Variants in DAP observed in about 807,000 individuals in gnomAD.
DAP encodes death-associated protein 1.
In DAP, 8 loss-of-function variants were observed where a neutral mutation model predicts 13.8. The ratio of observed to expected loss-of-function variants is 0.58; its 90% CI spans 0.34 to 1.05. The LOEUF is 1.05. Ranked by LOEUF, DAP falls within the 50% of genes least tolerant of loss-of-function variation. The pLI is 0.03. For missense variants in DAP, 106 were observed against 133.2 expected (o/e 0.80, Z 1.01); for synonymous variants, 47 against 47.5 (o/e 0.99, Z 0.04).
chr5:10,688,318 CAA>C (rs1479728070), intron 2 of DAP, among the ~76,000 whole-genome samples: 1 of 152,170 alleles, frequency 6.6e-6, no homozygotes, highest in Non-Finnish European at 1.5e-5. Flanking sequence ...CCTCTACCAA[CAA>C]AAAGACTGAG....
rs1402990285 is a variant in DAP at position 10,761,158 on chromosome 5, G to GGAGC, written c.-94_-91dup. 4.0e-6 allele frequency: 3 copies of GGAGC among 742,100 alleles called. No homozygotes were observed. The highest frequency in any genetic ancestry group is 3.6e-6 in the Non-Finnish European group (2 of 559,212). The allele number at this position is 742,100 out of a possible 1,614,324, so 46.0% of individuals were successfully genotyped here. On this transcript the variant is annotated 5_prime_UTR_variant, in exon 1 of 4. Transcript: ENST00000230895. Reference sequence around the variant, plus strand: ...GAGTGAGCTCAGGTGTGAGCGCCGGGGAGCGAGCGGGCGGGAGAACGACGC... The same window carrying GGAGC: ...GAGTGAGCTCAGGTGTGAGCGCCGGGGAGCGAGCGAGCGGGCGGGAGAACGACGC...
intron 2 of DAP, among the ~76,000 whole-genome samples, chr5:10,712,935 G>A (rs890293208): frequency 6.6e-6 from 1 of 152,124 alleles, no homozygotes; most frequent in Non-Finnish European, 1.5e-5. Context: ...AAGTGGGGGA[G>A]GGAGAAGCCT....
chr5:10,734,918 CA>C (rs2126669462), intron 2 of DAP, among the ~76,000 whole-genome samples: 1 of 152,278 alleles, frequency 6.6e-6, no homozygotes, highest in South Asian at 2.1e-4. Context: ...ATGTGGCCCC[CA>C]GGCAGACTGT....
chr5:10,750,356 C>T (rs917058077), intron 1 of DAP, among the ~76,000 whole-genome samples: 6 of 152,020 alleles, frequency 3.9e-5, no homozygotes, highest in Admixed American at 1.3e-4. Context: ...GAGATGGTGA[C>T]GTTTGCTCCC....
chr5:10,740,298 G>A (rs888401697), intron 2 of DAP, among the ~76,000 whole-genome samples: 4 of 152,214 alleles, frequency 2.6e-5, no homozygotes, highest in Admixed American at 2.6e-4. Flanking sequence ...TCCGAGGCCT[G>A]TGAACATATC....
chr5:10,703,944 G>A (rs112972043), intron 2 of DAP, among the ~76,000 whole-genome samples: 1 of 152,244 alleles, frequency 6.6e-6, no homozygotes, highest in Non-Finnish European at 1.5e-5. Flanking sequence ...GTGAAGAGGG[G>A]GAGAATTCAC....
At chr5:10,688,082 A>AT (rs1738201114) in intron 2 of DAP, among the ~76,000 whole-genome samples, 1 of 151,834 alleles carries the variant, frequency 6.6e-6, no homozygotes, top group South Asian at 2.1e-4. Context: ...TGCCTGGCTA[A>AT]TTTTTGTATT....
chr5:10,687,033 T>C (rs1738173606), intron 2 of DAP, among the ~76,000 whole-genome samples: 1 of 152,142 alleles, frequency 6.6e-6, no homozygotes, highest in African/African-American at 2.4e-5. Context: ...CCTTACGAAT[T>C]ACATAAAATC....
intron 1 of DAP, among the ~76,000 whole-genome samples, chr5:10,753,410 C>T (rs913504484): frequency 2.6e-5 from 4 of 152,208 alleles, no homozygotes; most frequent in African/African-American, 4.8e-5. Flanking sequence ...CAGGTTATTA[C>T]ACTACCTAGA....
chr5:10,686,850 A>G (rs919401308), intron 2 of DAP, among the ~76,000 whole-genome samples: 3 of 152,264 alleles, frequency 2.0e-5, no homozygotes, highest in African/African-American at 7.2e-5. Flanking sequence ...CAATGTTGAC[A>G]AAACAGCCTT....
At chr5:10,742,274 C>G (rs1031476480) in intron 2 of DAP, among the ~76,000 whole-genome samples, 2 of 152,118 alleles carry the variant, frequency 1.3e-5, no homozygotes, top group Non-Finnish European at 2.9e-5. Flanking sequence ...GTGGCTCATG[C>G]CTGTAATCCC....
chr5:10,708,689 A>T (rs1738766413), intron 2 of DAP, among the ~76,000 whole-genome samples: 1 of 152,206 alleles, frequency 6.6e-6, no homozygotes, highest in South Asian at 2.1e-4. Flanking sequence ...TTGTCATCGT[A>T]AGCAATGGGG....
At chr5:10,745,902 T>C (rs1179324427) in intron 2 of DAP, among the ~76,000 whole-genome samples, 1 of 152,186 alleles carries the variant, frequency 6.6e-6, no homozygotes, top group Admixed American at 6.5e-5. Context: ...TACTACAGGC[T>C]TACACACTCT....
intron 2 of DAP, among the ~76,000 whole-genome samples, chr5:10,722,419 CTCAAGCT>C (rs1270976674): frequency 1.3e-5 from 2 of 152,156 alleles, no homozygotes; most frequent in South Asian, 2.1e-4. Flanking sequence ...CTTCTTGCTC[CTCAAGCT>C]TGCAGACAGC....
intron 2 of DAP, among the ~76,000 whole-genome samples, chr5:10,705,882 G>A (rs1037967059): frequency 6.6e-6 from 1 of 152,164 alleles, no homozygotes; most frequent in Non-Finnish European, 1.5e-5. Context: ...TTAGTTCCAT[G>A]AGCCATAAAA....
At chr5:10,683,693 A>G in intron 2 of DAP, 122 bp from the exon 3 acceptor site, 1 of 859,222 alleles carries the variant, frequency 1.2e-6, no homozygotes, top group Non-Finnish European at 1.9e-6. Flanking sequence ...TGGGAAGCAA[A>G]CCTCTCCTCT....
At chr5:10,722,907 T>C (rs188300518) in intron 2 of DAP, among the ~76,000 whole-genome samples, 183 of 152,268 alleles carry the variant, frequency 1.2e-3, no homozygotes, top group African/African-American at 3.9e-3. Context: ...CAGAACCGAA[T>C]ATCAATCACA....
chr5:10,743,252 C>T (rs1739806397), intron 2 of DAP, among the ~76,000 whole-genome samples: 1 of 152,176 alleles, frequency 6.6e-6, no homozygotes, highest in Admixed American at 6.5e-5. Context: ...AGGTAACTCC[C>T]TACTCCCTTA....
At chr5:10,687,362 A>G (rs1217314488) in intron 2 of DAP, among the ~76,000 whole-genome samples, 2 of 152,216 alleles carry the variant, frequency 1.3e-5, no homozygotes, top group African/African-American at 4.8e-5. Context: ...AAGTAAATTG[A>G]AAACCTTCTG....
Sources: allele counts gnomAD v4.1 joint callset (sites outside exome capture counted in the v4.1 genomes callset), GRCh38; gene constraint gnomAD v4.1.1; transcripts MANE v1.5; gene names NCBI Gene and HGNC (gene_info 2026-07-23, HGNC 2026-07-21).